Variants in NELL1 observed in about 807,000 individuals in gnomAD.
NELL1 encodes the protein neural EGFL like 1, also known as protein kinase C-binding protein NELL1.
Under a neutral mutation model 107.4 loss-of-function variants are expected in NELL1, and 76 were observed. The observed-to-expected ratio is 0.71, with a 90% CI of 0.59 to 0.86. The LOEUF is 0.86. Among genes scored for constraint, NELL1 ranks in the 40% least tolerant of loss-of-function variants. The pLI is 0.00. For missense variants in NELL1, 1,024 were observed against 1,005.5 expected (o/e 1.02, Z -0.25); for synonymous variants, 353 against 341.2 (o/e 1.03, Z -0.38).
At chr11:21,431,354 T>A (rs1219970205) in intron 15 of NELL1, among the ~76,000 whole-genome samples, 1 of 152,206 alleles carries the variant, frequency 6.6e-6, no homozygotes, top group Non-Finnish European at 1.5e-5. Flanking sequence ...TTATTGTCAT[T>A]ATTGTATACT....
At chr11:21,176,690 G>A (rs376052266) in intron 13 of NELL1, among the ~76,000 whole-genome samples, 4 of 151,810 alleles carry the variant, frequency 2.6e-5, no homozygotes, top group Non-Finnish European at 4.4e-5. Flanking sequence ...CTTTGCCTAC[G>A]TTTGCGTCAC....
At chr11:21,005,646 C>A (rs1253540626) in intron 12 of NELL1, among the ~76,000 whole-genome samples, 1 of 152,170 alleles carries the variant, frequency 6.6e-6, no homozygotes, top group East Asian at 1.9e-4. Context: ...GTTTTGCAGC[C>A]TGAGGTTAAA....
chr11:21,378,746 C>G (rs545376744), intron 15 of NELL1, among the ~76,000 whole-genome samples: 3 of 144,508 alleles, frequency 2.1e-5, no homozygotes, highest in African/African-American at 7.7e-5. Flanking sequence ...GAGACAGAGT[C>G]TCACTCCATC....
intron 14 of NELL1, among the ~76,000 whole-genome samples, chr11:21,304,777 T>A (rs75304048): frequency 0.015 from 2,304 of 151,948 alleles, 61 homozygotes; most frequent in African/African-American, 0.053. Flanking sequence ...TTCTTCCATT[T>A]CCCCTGCAGT....
chr11:21,464,878 C>T (rs559022534), intron 15 of NELL1, among the ~76,000 whole-genome samples: 20 of 152,204 alleles, frequency 1.3e-4, no homozygotes, highest in East Asian at 3.9e-4. Flanking sequence ...AGAAATATGA[C>T]GTTTTAGAAA....
chr11:21,348,790 G>T (rs1850739798), intron 14 of NELL1, among the ~76,000 whole-genome samples: 1 of 152,130 alleles, frequency 6.6e-6, no homozygotes. Flanking sequence ...GATAAATGGG[G>T]AAGGAATTAC....
At chr11:21,046,496 A>G (rs540547475) in intron 12 of NELL1, among the ~76,000 whole-genome samples, 2 of 152,132 alleles carry the variant, frequency 1.3e-5, no homozygotes, top group African/African-American at 4.8e-5. Context: ...ACCTTCGTTT[A>G]TATCATTACT....
intron 15 of NELL1, among the ~76,000 whole-genome samples, chr11:21,508,428 T>C (rs558545443): frequency 6.6e-6 from 1 of 152,218 alleles, no homozygotes; most frequent in Non-Finnish European, 1.5e-5. Context: ...ATGAGCAAGG[T>C]CAGTGAAACA....
chr11:21,492,074 A>G (rs1208287829), intron 15 of NELL1, among the ~76,000 whole-genome samples: 1 of 152,214 alleles, frequency 6.6e-6, no homozygotes, highest in Non-Finnish European at 1.5e-5. Context: ...CCCATCAAAA[A>G]GTGGGTGAAG....
intron 15 of NELL1, among the ~76,000 whole-genome samples, chr11:21,505,160 T>C (rs543482130): frequency 6.6e-6 from 1 of 152,290 alleles, no homozygotes; most frequent in African/African-American, 2.4e-5. Flanking sequence ...TGAATCCAAT[T>C]TGGCATTTAT....
intron 13 of NELL1, among the ~76,000 whole-genome samples, chr11:21,186,228 C>G (rs1856932705): frequency 6.6e-6 from 1 of 151,754 alleles, no homozygotes; most frequent in Admixed American, 6.6e-5. Context: ...TCACTGAGAC[C>G]CTGTAGTAGG....
rs965940761 is a variant in NELL1 at position 21,109,417 on chromosome 11, G to A, written c.1301-4172G>A. ...CTTTCTGGACTGATTCAAATTTTTA[G>A]CGTGAACATGGATTTGTGTATGTTC... is the stretch of plus-strand genomic sequence containing the variant. On this transcript the variant is annotated intron_variant, in intron 12 of 19. Coordinates refer to ENST00000357134, the MANE Select transcript of NELL1 (RefSeq NM_006157.5). Among the ~76,000 whole-genome samples, 11 of 152,054 alleles carry A rather than the reference G, an allele frequency of 7.2e-5. No homozygotes were observed. In the East Asian group the frequency reaches 2.1e-3, roughly 29 times the overall value.
At chr11:21,149,889 A>G (rs1199183152) in intron 13 of NELL1, among the ~76,000 whole-genome samples, 1 of 152,150 alleles carries the variant, frequency 6.6e-6, no homozygotes, top group Non-Finnish European at 1.5e-5. Flanking sequence ...CCAGTGAATG[A>G]CAAACACTAT....
chr11:21,387,806 G>A (rs1309269212), intron 15 of NELL1, among the ~76,000 whole-genome samples: 3 of 151,612 alleles, frequency 2.0e-5, no homozygotes, highest in African/African-American at 7.3e-5. Flanking sequence ...ATCATTCTTA[G>A]GTTAATACAC....
At chr11:20,972,774 T>G (rs917882038) in intron 12 of NELL1, among the ~76,000 whole-genome samples, 6 of 152,126 alleles carry the variant, frequency 3.9e-5, no homozygotes, top group African/African-American at 1.2e-4. Context: ...TAAGATCCAG[T>G]TTGTATTTCT....
intron 15 of NELL1, among the ~76,000 whole-genome samples, chr11:21,445,113 A>AT (rs1853387300): frequency 6.6e-6 from 1 of 152,064 alleles, no homozygotes; most frequent in African/African-American, 2.4e-5. Flanking sequence ...TTCATATCTT[A>AT]TTGTACTGTC....
chr11:21,242,798 G>C (rs1018236918), intron 14 of NELL1, among the ~76,000 whole-genome samples: 1 of 152,136 alleles, frequency 6.6e-6, no homozygotes, highest in African/African-American at 2.4e-5. Flanking sequence ...GATGCTGCCA[G>C]TTTTAAGGAA....
intron 7 of NELL1, among the ~76,000 whole-genome samples, chr11:20,924,081 C>T (rs555712331): frequency 1.3e-5 from 2 of 152,194 alleles, no homozygotes; most frequent in Admixed American, 6.5e-5. Flanking sequence ...GATGTGATAC[C>T]GTATCTATTT....
At chr11:20,975,793 GTAT>G (rs1336565132) in intron 12 of NELL1, among the ~76,000 whole-genome samples, 1 of 130,456 alleles carries the variant, frequency 7.7e-6, no homozygotes, top group African/African-American at 2.9e-5. Context: ...TATTATATAT[GTAT>G]TATATGATAT....
Sources: allele counts gnomAD v4.1 joint callset (sites outside exome capture counted in the v4.1 genomes callset), GRCh38; gene constraint gnomAD v4.1.1; transcripts MANE v1.5; gene names NCBI Gene and HGNC (gene_info 2026-07-23, HGNC 2026-07-21).